RBFOX1: variants seen among roughly 807,000 people sequenced by gnomAD.
RBFOX1 encodes the protein RNA binding fox-1 homolog 1.
RBFOX1 carries 8 observed loss-of-function variants against 57.7 expected under a neutral mutation model. That is an observed-to-expected ratio of 0.14 (90% CI 0.08 to 0.25). The LOEUF is 0.25. RBFOX1 is among the 10% of genes least tolerant of loss of function. RBFOX1 has a pLI of 1.00. For missense variants in RBFOX1, 611 were observed against 548.5 expected (o/e 1.11, Z -1.14); for synonymous variants, 326 against 222.4 (o/e 1.47, Z -4.15).
At chr16:6,422,494 G>T (rs570223921) in intron 2 of RBFOX1, among the ~76,000 whole-genome samples, 1 of 152,146 alleles carries the variant, frequency 6.6e-6, no homozygotes, top group East Asian at 1.9e-4. Context: ...CTGCTATAAA[G>T]AAATGCCTGA....
chr16:7,270,406 C>T (rs1238468774), intron 4 of RBFOX1, among the ~76,000 whole-genome samples: 1 of 152,082 alleles, frequency 6.6e-6, no homozygotes, highest in Non-Finnish European at 1.5e-5. Context: ...GTAAAAAAAA[C>T]ATCTAACAAT....
intron 1 of RBFOX1, among the ~76,000 whole-genome samples, chr16:5,315,725 A>G (rs1388475389): frequency 1.3e-5 from 2 of 152,174 alleles, no homozygotes; most frequent in East Asian, 3.8e-4. Context: ...GAAGGTCATT[A>G]TGGGAGTCTC....
chr16:7,079,326 T>C (rs2058799235), intron 4 of RBFOX1, among the ~76,000 whole-genome samples: 1 of 152,122 alleles, frequency 6.6e-6, no homozygotes, highest in East Asian at 1.9e-4. Context: ...AGGAGACCAG[T>C]GCATGTTCCT....
chr16:5,925,046 C>T (rs149057153), intron 4 of RBFOX1, among the ~76,000 whole-genome samples: 80 of 152,274 alleles, frequency 5.3e-4, no homozygotes, highest in African/African-American at 1.9e-3. Flanking sequence ...GCACAGACAC[C>T]TACTGAAGCT....
At chr16:6,473,472 C>T (rs1194892631) in intron 2 of RBFOX1, among the ~76,000 whole-genome samples, 1 of 152,150 alleles carries the variant, frequency 6.6e-6, no homozygotes, top group Non-Finnish European at 1.5e-5. Flanking sequence ...TTGCAAAAAT[C>T]TGTCATCTCC....
At chr16:7,530,056 G>C (rs998122830) in intron 5 of RBFOX1, among the ~76,000 whole-genome samples, 1 of 150,870 alleles carries the variant, frequency 6.6e-6, no homozygotes, top group Admixed American at 6.6e-5. Context: ...CTTTAAGGGA[G>C]ACTGTATTTC....
rs1007468061 is a variant in RBFOX1 at position 6,331,040 on chromosome 16, G to A, written c.-64+13983G>A. 2.0e-5 allele frequency among the ~76,000 whole-genome samples: 3 copies of A among 152,168 alleles called. No individual in the cohort carries two copies. The South Asian group carries it at 6.2e-4, about 32-fold the overall frequency. ...CCTAAGTGCCTTGGGCAGCTCTTAA[G>A]GGATCTGAAAAAGTAAGGAAGTTAG... On this transcript the variant is annotated intron_variant, in intron 2 of 15. Transcript: ENST00000550418.
chr16:5,835,001 C>A (rs570121803), intron 3 of RBFOX1, among the ~76,000 whole-genome samples: 4 of 152,324 alleles, frequency 2.6e-5, no homozygotes, highest in African/African-American at 2.4e-5. Context: ...TATCACCTTA[C>A]CCCACTCACC....
chr16:5,957,673 T>C (rs1311889614), intron 4 of RBFOX1, among the ~76,000 whole-genome samples: 2 of 152,126 alleles, frequency 1.3e-5, no homozygotes, highest in African/African-American at 4.8e-5. Flanking sequence ...ATTTTTAAAT[T>C]TTGGAATTTT....
At chr16:6,621,496 CAGT>C (rs1045724481) in intron 2 of RBFOX1, among the ~76,000 whole-genome samples, 3 of 146,662 alleles carry the variant, frequency 2.0e-5, no homozygotes, top group Non-Finnish European at 4.6e-5. Context: ...AACAACAAAA[CAGT>C]AGTCATTAGT....
At chr16:5,628,573 T>C (rs2048411001) in intron 3 of RBFOX1, among the ~76,000 whole-genome samples, 1 of 152,190 alleles carries the variant, frequency 6.6e-6, no homozygotes, top group South Asian at 2.1e-4. Flanking sequence ...TCTGAACTGC[T>C]GAACTGTCCT....
intron 3 of RBFOX1, among the ~76,000 whole-genome samples, chr16:6,895,199 G>A (rs1397975846): frequency 6.6e-6 from 1 of 151,742 alleles, no homozygotes; most frequent in Non-Finnish European, 1.5e-5. Context: ...GATGTTCTAG[G>A]AATTAAAGAA....
chr16:5,522,919 C>T (rs942522751), intron 2 of RBFOX1, among the ~76,000 whole-genome samples: 2 of 152,182 alleles, frequency 1.3e-5, no homozygotes, highest in Non-Finnish European at 2.9e-5. Context: ...ATCTATATCA[C>T]ATTTTCTATA....
chr16:6,376,907 C>G (rs2091245550), intron 2 of RBFOX1, among the ~76,000 whole-genome samples: 1 of 152,052 alleles, frequency 6.6e-6, no homozygotes, highest in African/African-American at 2.4e-5. Context: ...TCACTCCAAT[C>G]TCTGGCTTGG....
At chr16:6,707,845 G>T (rs2063040359) in intron 3 of RBFOX1, among the ~76,000 whole-genome samples, 1 of 152,146 alleles carries the variant, frequency 6.6e-6, no homozygotes, top group African/African-American at 2.4e-5. Flanking sequence ...CAAGCTCAAA[G>T]CGCCACAAAG....
intron 1 of RBFOX1, among the ~76,000 whole-genome samples, chr16:5,378,326 C>G (rs566371613): frequency 2.6e-5 from 4 of 151,516 alleles, no homozygotes; most frequent in Non-Finnish European, 5.9e-5. Context: ...CTCTGCTGGC[C>G]ACCCAGTCGG....
In RBFOX1 at chr16:7,464,178, G is replaced by A. The variant is rs747785315; in HGVS notation, c.28-53969G>A. Among the ~76,000 whole-genome samples, 70 of 152,196 alleles carry A rather than the reference G, an allele frequency of 4.6e-4. No homozygotes were observed. The Middle Eastern group carries it at 0.014, about 30-fold the overall frequency. ...AGGGTTACATTATTCACCCATTACAGACCACTCCAAGACATGTGTTTTGCT... is the reference window on the plus strand; with the variant it reads ...AGGGTTACATTATTCACCCATTACAAACCACTCCAAGACATGTGTTTTGCT... On this transcript the variant is annotated intron_variant, in intron 4 of 15. Coordinates refer to ENST00000550418, the MANE Select transcript of RBFOX1 (RefSeq NM_018723.4).
At chr16:6,857,532 C>T (rs964350000) in intron 3 of RBFOX1, among the ~76,000 whole-genome samples, 4 of 152,168 alleles carry the variant, frequency 2.6e-5, no homozygotes, top group African/African-American at 9.7e-5. Flanking sequence ...ACTATTTGGT[C>T]CTTTTTTTAT....
rs189012716 is a variant in RBFOX1, at chr16:7,493,965, C to G, written c.28-24182C>G. Among the ~76,000 whole-genome samples, 3 of 152,124 alleles carry G rather than the reference C, an allele frequency of 2.0e-5. No individual in the cohort carries two copies. In the East Asian group the frequency reaches 5.8e-4, roughly 29 times the overall value. On this transcript the variant is annotated intron_variant, in intron 4 of 15. Coordinates refer to ENST00000550418, the MANE Select transcript of RBFOX1 (RefSeq NM_018723.4). ...CTCAAATAGAAAGTCAAAACAATTTCTTAGTTATTTGAAGAACCACACTGA... is the reference window on the plus strand; with the variant it reads ...CTCAAATAGAAAGTCAAAACAATTTGTTAGTTATTTGAAGAACCACACTGA...
Sources: allele counts gnomAD v4.1 joint callset (sites outside exome capture counted in the v4.1 genomes callset), GRCh38; gene constraint gnomAD v4.1.1; transcripts MANE v1.5; gene names NCBI Gene and HGNC (gene_info 2026-07-23, HGNC 2026-07-21).